MDGA2: variants seen among roughly 807,000 people sequenced by gnomAD.
MDGA2 encodes MAM domain containing glycosylphosphatidylinositol anchor 2, also known as MAM domain-containing glycosylphosphatidylinositol anchor protein 2.
Under a neutral mutation model 117.8 loss-of-function variants are expected in MDGA2, and 40 were observed. The observed-to-expected ratio is 0.34, with a 90% confidence interval of 0.26 to 0.44. The LOEUF is 0.44. Among genes scored for constraint, MDGA2 ranks in the 20% least tolerant of loss-of-function variants. MDGA2 has a pLI of 1.00. For missense variants in MDGA2, 1,123 were observed against 1,250.6 expected (o/e 0.90, Z 1.54); for synonymous variants, 452 against 439.0 (o/e 1.03, Z -0.37).
chr14:46,891,882 T>C (rs1176248608), intron 10 of MDGA2, among the ~76,000 whole-genome samples: 1 of 151,528 alleles, frequency 6.6e-6, no homozygotes, highest in African/African-American at 2.4e-5. Flanking sequence ...GAAATGATAT[T>C]TGAACTTTTG....
chr14:47,539,863 T>C lies in MDGA2; in HGVS notation c.280+134654A>G, dbSNP rs538929210. ...CGTTCCAAATCTGGACCCTTGTTAC[T>C]TCTCCCACTGGTTCATTCCATGCTC... On this transcript the variant is annotated intron_variant, in intron 1 of 16. Coordinates refer to ENST00000399232, the MANE Select transcript of MDGA2 (RefSeq NM_001113498.3). Among the ~76,000 whole-genome samples, 8 of 152,342 alleles carry C rather than the reference T, an allele frequency of 5.3e-5. No homozygotes were observed. The South Asian group carries it at 1.7e-3, about 32-fold the overall frequency.
intron 3 of MDGA2, among the ~76,000 whole-genome samples, chr14:47,161,230 C>A (rs1883619729): frequency 6.6e-6 from 1 of 151,962 alleles, no homozygotes; most frequent in Non-Finnish European, 1.5e-5. Flanking sequence ...TTCTGGTGTT[C>A]CATTACTTTT....
At chr14:47,182,897 T>C (rs1420531049) in intron 3 of MDGA2, among the ~76,000 whole-genome samples, 2 of 152,128 alleles carry the variant, frequency 1.3e-5, no homozygotes, top group Admixed American at 1.3e-4. Context: ...GCTGGGTGTT[T>C]CTCAGGTGTG....
rs1215584834 is a variant in MDGA2, at chr14:46,854,165, C to T, written c.2883+859G>A. Among the ~76,000 whole-genome samples the T allele has an allele frequency of 2.0e-5, 3 of 151,522 alleles. No homozygotes were observed. The East Asian group carries it at 5.8e-4, about 29-fold the overall frequency. ...AAAAACTGGCACGATTTTCTATACC[C>T]TTACAACATATGCCATGAAATGCAT... On this transcript the variant is annotated intron_variant, in intron 15 of 16. Transcript: ENST00000399232.
At chr14:47,177,558 T>C (rs944287230) in intron 3 of MDGA2, among the ~76,000 whole-genome samples, 11 of 151,968 alleles carry the variant, frequency 7.2e-5, no homozygotes, top group African/African-American at 1.9e-4. Flanking sequence ...AGGACAAAAA[T>C]CAAACACCGC....
At chr14:47,509,348 T>C (rs532409169) in intron 1 of MDGA2, among the ~76,000 whole-genome samples, 4 of 152,320 alleles carry the variant, frequency 2.6e-5, no homozygotes, top group African/African-American at 9.6e-5. Flanking sequence ...TTGGAGATCA[T>C]AAGTGGTTAT....
At chr14:47,105,396 A>G (rs986192575) in intron 5 of MDGA2, among the ~76,000 whole-genome samples, 3 of 145,796 alleles carry the variant, frequency 2.1e-5, no homozygotes, top group Non-Finnish European at 4.5e-5. Context: ...CCGTGTCTCT[A>G]CTCTTTTCTC....
chr14:47,167,004 T>C (rs1883908076), intron 3 of MDGA2, among the ~76,000 whole-genome samples: 3 of 152,302 alleles, frequency 2.0e-5, no homozygotes. Flanking sequence ...ATCTCTGGTC[T>C]GGGCTTAGCA....
intron 1 of MDGA2, among the ~76,000 whole-genome samples, chr14:47,432,154 T>C (rs1027730938): frequency 1.3e-5 from 2 of 152,054 alleles, no homozygotes; most frequent in East Asian, 3.9e-4. Context: ...TTTTAAAGAC[T>C]GTAGAATAAC....
chr14:47,586,744 G>A (rs1387049561), intron 1 of MDGA2, among the ~76,000 whole-genome samples: 1 of 151,930 alleles, frequency 6.6e-6, no homozygotes, highest in Non-Finnish European at 1.5e-5. Context: ...AAAAGCCAAA[G>A]TCACAGAAGC....
intron 1 of MDGA2, among the ~76,000 whole-genome samples, chr14:47,606,164 A>T (rs1212973448): frequency 6.6e-6 from 1 of 152,216 alleles, no homozygotes; most frequent in Non-Finnish European, 1.5e-5. Flanking sequence ...GAGATCAAGG[A>T]CCTTCCTTTC....
Position 46,840,168 on chromosome 14 carries a change from A to G in MDGA2, c.*1763T>C, listed in dbSNP as rs1304828097. 2.0e-5 allele frequency: 3 copies of G among 152,454 alleles called. No individual in the cohort carries two copies. Among genetic ancestry groups the G allele is most frequent in the African/African-American group, 7.2e-5 (3 of 41,430 alleles). 9.4% of individuals were successfully genotyped at this position (152,454 alleles called of 1,614,324 possible). Reference sequence around the variant, plus strand: ...AAGTTGAATTACTGAATTTGCACAAACATTTCTACAGAATTGTTTTAAAAA... The same window carrying G: ...AAGTTGAATTACTGAATTTGCACAAGCATTTCTACAGAATTGTTTTAAAAA... On this transcript the variant is annotated 3_prime_UTR_variant, in exon 17 of 17. Transcript: ENST00000399232.
At chr14:47,386,590 A>AT (rs1891764889) in intron 1 of MDGA2, among the ~76,000 whole-genome samples, 1 of 152,190 alleles carries the variant, frequency 6.6e-6, no homozygotes, top group Non-Finnish European at 1.5e-5. Context: ...ATTAGTTAAG[A>AT]AGAAGAGTGA....
chr14:47,635,966 C>T (rs1299892641), intron 1 of MDGA2, among the ~76,000 whole-genome samples: 1 of 152,058 alleles, frequency 6.6e-6, no homozygotes, highest in Admixed American at 6.6e-5. Context: ...AACTTATTGA[C>T]AAAAAACACA....
intron 1 of MDGA2, among the ~76,000 whole-genome samples, chr14:47,441,700 A>C (rs1893015027): frequency 6.6e-6 from 1 of 152,184 alleles, no homozygotes; most frequent in East Asian, 1.9e-4. Flanking sequence ...CAACTAGCAG[A>C]GTATCACAAT....
At chr14:47,039,042 C>G (rs960791294) in intron 7 of MDGA2, among the ~76,000 whole-genome samples, 2 of 152,098 alleles carry the variant, frequency 1.3e-5, no homozygotes, top group African/African-American at 4.8e-5. Context: ...ATTTCTCAAA[C>G]CTGTTATATG....
At chr14:47,170,042 G>T (rs1374265877) in intron 3 of MDGA2, among the ~76,000 whole-genome samples, 1 of 152,116 alleles carries the variant, frequency 6.6e-6, no homozygotes, top group Non-Finnish European at 1.5e-5. Flanking sequence ...ACAATCCGGA[G>T]TTAATCTGCC....
At chr14:46,860,227 A>G (rs1346947409) in intron 14 of MDGA2, among the ~76,000 whole-genome samples, 1 of 152,082 alleles carries the variant, frequency 6.6e-6, no homozygotes, top group Non-Finnish European at 1.5e-5. Context: ...CTAAATGATG[A>G]TAACTAGCAT....
rs190575635 is a variant in MDGA2 at position 47,235,142 on chromosome 14, G to A, written c.421-16947C>T. ...AATAAGACTTGAAAGACAAAGAGAAGCTAATGACAGAAGTCACGTATCCTA... is the reference window on the plus strand; with the variant it reads ...AATAAGACTTGAAAGACAAAGAGAAACTAATGACAGAAGTCACGTATCCTA... On this transcript the variant is annotated intron_variant, in intron 2 of 16. Transcript: ENST00000399232. Among the ~76,000 whole-genome samples, 22 of 152,240 alleles carry A rather than the reference G, an allele frequency of 1.4e-4. No individual in the cohort carries two copies. In the East Asian group the frequency reaches 4.2e-3, roughly 29 times the overall value.
Sources: allele counts gnomAD v4.1 joint callset (sites outside exome capture counted in the v4.1 genomes callset), GRCh38; gene constraint gnomAD v4.1.1; transcripts MANE v1.5; gene names NCBI Gene and HGNC (gene_info 2026-07-23, HGNC 2026-07-21).